Variants in RGS6 observed in about 807,000 individuals in gnomAD.
The protein encoded by RGS6 is regulator of G-protein signaling 6.
A neutral mutation model predicts 78.5 loss-of-function variants in RGS6; 30 were observed. The ratio of observed to expected loss-of-function variants is 0.38; its 90% confidence interval spans 0.29 to 0.52. RGS6 has a LOEUF of 0.52. RGS6 is among the 20% of genes least tolerant of loss of function. The pLI is 0.85. For synonymous variants in RGS6, 206 were observed against 206.0 expected, an observed-to-expected ratio of 1.00 and a Z score of 0.00; for missense variants, 495 against 609.7, an observed-to-expected ratio of 0.81 and a Z score of 1.98.
chr14:72,454,576 C>T lies in RGS6; in HGVS notation c.233C>T (p.Pro78Leu), dbSNP rs2095580373. 3.7e-6 allele frequency: 6 copies of T among 1,613,810 alleles called. No individual in the cohort carries two copies. The highest frequency in any genetic ancestry group is 5.1e-6 in the Non-Finnish European group (6 of 1,179,816). The change falls in exon 4 of 18, where the codon CCA (proline) becomes CTA (leucine). Residue 78 changes from proline to leucine, a missense_variant and splice_region_variant. Transcript: ENST00000553525. ...WLMKNLSIED[P>L]VEAIHLGSLI... ...ATGAAGAACCTTTCCATTGAGGACC[C>T]AGGTACTTGACCTTTGACCCCACCC...
chr14:72,420,122 G>T (rs2094091868), intron 3 of RGS6, among the ~76,000 whole-genome samples: 1 of 152,236 alleles, frequency 6.6e-6, no homozygotes, highest in South Asian at 2.1e-4. Flanking sequence ...AGTGTACCAA[G>T]TTCGTGGCAG....
chr14:72,406,376 C>G (rs1373934839), intron 3 of RGS6, among the ~76,000 whole-genome samples: 1 of 150,486 alleles, frequency 6.6e-6, no homozygotes, highest in African/African-American at 2.5e-5. Context: ...GAGTGAGACT[C>G]CATCTCAAAA....
intron 8 of RGS6, among the ~76,000 whole-genome samples, chr14:72,470,346 G>A (rs1235617315): frequency 6.6e-6 from 1 of 152,214 alleles, no homozygotes; most frequent in Non-Finnish European, 1.5e-5. Context: ...ATAAGAAGGT[G>A]TACCTATTTC....
At position 72,558,819 on chromosome 14, in the gene RGS6, G is replaced by A. The variant is rs76138094; in HGVS notation, c.1423-3598G>A. Among the ~76,000 whole-genome samples, 40 of 152,266 alleles carry A rather than the reference G, an allele frequency of 2.6e-4. No homozygotes were observed. The East Asian group carries it at 7.7e-3, about 29-fold the overall frequency. On this transcript the variant is annotated intron_variant, in intron 17 of 17. Coordinates refer to ENST00000553525, the MANE Select transcript of RGS6 (RefSeq NM_001204424.2). ...GCACTTTGTCGGTATGCAAAGCTTTGGTGTCTCTGGAATGTACCTTCTGCA... is the reference window on the plus strand; with the variant it reads ...GCACTTTGTCGGTATGCAAAGCTTTAGTGTCTCTGGAATGTACCTTCTGCA...
rs78169772 is a variant in RGS6 at position 72,479,170 on chromosome 14, C to T, written c.854+841C>T. On this transcript the variant is annotated intron_variant, in intron 12 of 17. Coordinates refer to ENST00000553525, the MANE Select transcript of RGS6 (RefSeq NM_001204424.2). ...CTGGCTGTGAGAGCCATCTATAAGC[C>T]TGTAAGCCTTTCTCTGCTGGCTCCT... Among the ~76,000 whole-genome samples, 16 of 152,290 alleles carry T rather than the reference C, an allele frequency of 1.1e-4. No homozygotes were observed. The East Asian group carries it at 2.9e-3, about 28-fold the overall frequency.
intron 2 of RGS6, among the ~76,000 whole-genome samples, chr14:72,209,367 T>G (rs985174620): frequency 6.7e-6 from 1 of 148,500 alleles, no homozygotes; most frequent in Non-Finnish European, 1.5e-5. Context: ...AATGCTGTGT[T>G]TTATAAATTT....
chr14:72,010,996 G>A (rs910167101), intron 2 of RGS6, among the ~76,000 whole-genome samples: 5 of 152,126 alleles, frequency 3.3e-5, no homozygotes, highest in African/African-American at 7.2e-5. Context: ...TGGCAAAACC[G>A]CAATACTTTT....
chr14:72,547,437 TC>T, intron 17 of RGS6: 1 of 918,490 alleles, frequency 1.1e-6, no homozygotes, highest in Non-Finnish European at 1.6e-6. Context: ...AGGGGATGCT[TC>T]CCCCTTTTAA....
chr14:72,356,702 G>A lies in RGS6; in HGVS notation c.184+4508G>A, dbSNP rs949330835. On this transcript the variant is annotated intron_variant, in intron 3 of 17. Transcript: ENST00000553525. ...TTACCTCTATGCTGTTCTCATGATGGTGAGTGAGTTCTAATGAGATCTGAT... is the reference window on the plus strand; with the variant it reads ...TTACCTCTATGCTGTTCTCATGATGATGAGTGAGTTCTAATGAGATCTGAT... 3.3e-5 allele frequency among the ~76,000 whole-genome samples: 5 copies of A among 152,086 alleles called. No individual in the cohort carries two copies. The South Asian group carries it at 1.0e-3, about 32-fold the overall frequency.
intron 2 of RGS6, among the ~76,000 whole-genome samples, chr14:71,979,916 C>A (rs374101813): frequency 1.3e-4 from 19 of 142,410 alleles, no homozygotes; most frequent in African/African-American, 4.9e-4. Context: ...GTAGGTCACT[C>A]AGGACTTGCT....
chr14:72,433,737 G>A (rs1340658873), intron 3 of RGS6, among the ~76,000 whole-genome samples: 1 of 151,880 alleles, frequency 6.6e-6, no homozygotes, highest in Non-Finnish European at 1.5e-5. Context: ...CAAACTCTCG[G>A]TTTGCATCCC....
intron 2 of RGS6, among the ~76,000 whole-genome samples, chr14:72,069,514 A>T (rs2094322314): frequency 6.6e-6 from 1 of 151,962 alleles, no homozygotes; most frequent in Non-Finnish European, 1.5e-5. Context: ...TTCTATTTTT[A>T]AAAATTATTA....
intron 3 of RGS6, among the ~76,000 whole-genome samples, chr14:72,375,033 A>C (rs1375204316): frequency 6.6e-6 from 1 of 152,222 alleles, no homozygotes; most frequent in Non-Finnish European, 1.5e-5. Context: ...ATAAACTAGA[A>C]GATAAAGCAG....
At chr14:71,983,034 T>G (rs190691853) in intron 2 of RGS6, among the ~76,000 whole-genome samples, 2 of 152,330 alleles carry the variant, frequency 1.3e-5, no homozygotes, top group Admixed American at 1.3e-4. Flanking sequence ...TGAAGAAAAG[T>G]GAAACTTCCA....
chr14:72,218,030 CTT>C (rs1690417174), intron 2 of RGS6, among the ~76,000 whole-genome samples: 1 of 152,072 alleles, frequency 6.6e-6, no homozygotes, highest in African/African-American at 2.4e-5. Flanking sequence ...TTGAAAAAAA[CTT>C]TGAAGAATGA....
At chr14:71,935,963 A>G (rs1172291690) in intron 1 of RGS6, among the ~76,000 whole-genome samples, 1 of 139,500 alleles carries the variant, frequency 7.2e-6, no homozygotes, top group Admixed American at 7.7e-5. Flanking sequence ...GTGACAGTGA[A>G]AACTAGAGGG....
At chr14:72,482,774 C>T (rs2096407398) in intron 12 of RGS6, among the ~76,000 whole-genome samples, 1 of 152,196 alleles carries the variant, frequency 6.6e-6, no homozygotes, top group Non-Finnish European at 1.5e-5. Flanking sequence ...CATTCTGTCG[C>T]TTCTGTTACC....
rs539930908 is a variant in RGS6, at chr14:71,973,991, A to G, written c.84+9116A>G. On this transcript the variant is annotated intron_variant, in intron 2 of 17. Coordinates refer to ENST00000553525, the MANE Select transcript of RGS6 (RefSeq NM_001204424.2). The stretch of plus-strand genomic sequence containing the variant: ...TTTCATATGATGCATTTTGATGAGT[A>G]TAACTTTCTAATTTGAAAAGCCTTT... 5.1e-4 allele frequency among the ~76,000 whole-genome samples: 78 copies of G among 152,316 alleles called. 1 individual carries two copies. The highest frequency in any genetic ancestry group is 1.8e-3 in the African/African-American group (76 of 41,572).
intron 2 of RGS6, among the ~76,000 whole-genome samples, chr14:72,161,863 C>T (rs919622168): frequency 2.6e-5 from 4 of 152,164 alleles, no homozygotes; most frequent in Non-Finnish European, 4.4e-5. Flanking sequence ...TATAATGGTG[C>T]TTCTATTTTC....
Sources: gnomAD v4.1 joint callset for allele counts (sites outside exome capture counted in the v4.1 genomes callset) on GRCh38, gnomAD v4.1.1 for gene constraint, MANE v1.5 for transcripts, NCBI Gene and HGNC (gene_info 2026-07-23, HGNC 2026-07-21) for gene names.